The following OR10K1 variants were observed in gnomAD, a reference collection of about 807,000 sequenced individuals.
The protein encoded by OR10K1 is olfactory receptor family 10 subfamily K member 1, also known as olfactory receptor 10K1.
For missense variants in OR10K1, 404 were observed against 373.3 expected (o/e 1.08, Z -0.68); for synonymous variants, 186 against 152.5 (o/e 1.22, Z -1.62).
Position 158,466,299 on chromosome 1 carries a change from TGTG to T in OR10K1, c.741_743del (p.Val248del). Reference sequence around the variant, plus strand: ...TCTCCACCTGTGCCTCCCATCTCATTGTGGTAACTGTTCACTACAGTTGTGCCT... The same window carrying T: ...TCTCCACCTGTGCCTCCCATCTCATTGTAACTGTTCACTACAGTTGTGCCT... On this transcript the variant is annotated inframe_deletion, in exon 2 of 2. Transcript: ENST00000641535. 1 of 1,614,166 alleles carries T rather than the reference TGTG, an allele frequency of 6.2e-7. No homozygotes were observed. Among genetic ancestry groups the T allele is most frequent in the Non-Finnish European group, 8.5e-7 (1 of 1,180,012 alleles).
chr1:158,466,477 G>C lies in OR10K1; in HGVS notation c.916G>C (p.Gly306Arg). 6.2e-7 allele frequency: 1 copy of C among 1,613,644 alleles called. No homozygotes were observed. Among genetic ancestry groups the C allele is most frequent in the South Asian group, 1.1e-5 (1 of 91,038 alleles). ...EFKSALRRTI[G>R]QTFYPLS is the part of the protein sequence containing the mutation. ...CAAATCAGCCCTACGAAGAACAATC[G>C]GCCAAACTTTCTATCCTCTTAGTTA... Residue 306 changes from glycine (G) to arginine (R), a missense_variant, in exon 2 of 2, where the codon GGC becomes CGC. Transcript: ENST00000641535.
chr1:158,465,838 T>C lies in OR10K1; in HGVS notation c.277T>C (p.Ser93Pro). 1 of 1,614,236 alleles carries C rather than the reference T, an allele frequency of 6.2e-7. No homozygotes were observed. The highest frequency in any genetic ancestry group is 8.5e-7 in the Non-Finnish European group (1 of 1,180,038). ...CCTGCTGTCCCAGAAGAAGACCATT[T>C]CTTTCCTGGGCTGTGCCATCCAAAT... ...VDLLSQKKTI[S>P]FLGCAIQMFS... is the part of the protein sequence containing the mutation. The change falls in exon 2 of 2, where the codon TCT becomes CCT. Residue 93 changes from serine to proline, a missense_variant. Transcript: ENST00000641535.
In OR10K1 at chr1:158,466,551, G is replaced by A. The variant is rs201953196; in HGVS notation, c.*48G>A. 45 of 1,156,756 alleles carry A rather than the reference G, an allele frequency of 3.9e-5. No homozygotes were observed. The Admixed American group carries it at 4.0e-4, about 10-fold the overall frequency. 71.7% of individuals were successfully genotyped at this position (1,156,756 alleles called of 1,614,324 possible). A position where few individuals can be genotyped will look rare whatever the true frequency, so the allele number is the denominator to read the frequency against. On this transcript the variant is annotated 3_prime_UTR_variant, in exon 2 of 2. Coordinates refer to ENST00000641535, the MANE Select transcript of OR10K1 (RefSeq NM_001004473.2). The stretch of plus-strand genomic sequence containing the variant: ...ATGCCTAGTACATGCCAGGCAGAAC[G>A]TGTGTTTTATACATTTTTTTTCATT...
At chr1:158,463,176 A>G (rs531798916) in intron 1 of OR10K1, among the ~76,000 whole-genome samples, 33 of 152,178 alleles carry the variant, frequency 2.2e-4, no homozygotes, top group Non-Finnish European at 3.4e-4. Context: ...GTCACAGAAG[A>G]CTAGACCTGA....
intron 1 of OR10K1, among the ~76,000 whole-genome samples, chr1:158,462,557 G>A (rs542423395): frequency 1.3e-5 from 2 of 151,956 alleles, no homozygotes; most frequent in South Asian, 2.1e-4. Flanking sequence ...TATAATTTTA[G>A]GTATAATTGA....
At position 158,465,408 on chromosome 1, in the gene OR10K1, G is replaced by C. The variant is rs1347041629; in HGVS notation, c.-154G>C. 1 of 646,206 alleles carries C rather than the reference G, an allele frequency of 1.5e-6. No individual in the cohort carries two copies. Among genetic ancestry groups the C allele is most frequent in the Non-Finnish European group, 2.7e-6 (1 of 372,086 alleles). The allele number at this position is 646,206 out of a possible 1,614,324, so 40.0% of individuals were successfully genotyped here. A position where few individuals can be genotyped will look rare whatever the true frequency, so the allele number is the denominator to read the frequency against. On this transcript the variant is annotated splice_region_variant and 5_prime_UTR_variant, in exon 2 of 2. Transcript: ENST00000641535. Reference sequence around the variant, plus strand: ...ATTTTGCCTAATTCTTCTTTTAGCAGGCATTTTAATGGGGGAATGAAGAAT... The same window carrying C: ...ATTTTGCCTAATTCTTCTTTTAGCACGCATTTTAATGGGGGAATGAAGAAT...
At position 158,465,730 on chromosome 1, in the gene OR10K1, A is replaced by T. The variant is rs1227748100; in HGVS notation, c.169A>T (p.Thr57Ser). 1 of 1,613,622 alleles carries T rather than the reference A, an allele frequency of 6.2e-7. No homozygotes were observed. Among genetic ancestry groups the T allele is most frequent in the Non-Finnish European group, 8.5e-7 (1 of 1,179,904 alleles). Residue 57 changes from threonine to serine, a missense_variant, in exon 2 of 2, where the codon ACT becomes TCT. By Grantham distance (58) the Thr-to-Ser change is moderately conservative (BLOSUM62 1). Transcript: ENST00000641535. The stretch of plus-strand genomic sequence containing the variant: ...CATTGTGCTGGACAGAGCCCTTCAT[A>T]CTCCCATGTACTTCTTCCTTGCCAT... ...STIVLDRALHTPMYFFLAILS... is the reference protein window; with the variant it reads ...STIVLDRALHSPMYFFLAILS...
At position 158,466,271 on chromosome 1, in the gene OR10K1, C is replaced by A. The variant is rs1402826679; in HGVS notation, c.710C>A (p.Thr237Asn). The A allele has an allele frequency of 6.2e-7, 1 of 1,614,132 alleles. No individual in the cohort carries two copies. The highest frequency in any genetic ancestry group is 8.5e-7 in the Non-Finnish European group (1 of 1,179,988). The change falls in exon 2 of 2, where the codon ACC (threonine) becomes AAC (asparagine). Residue 237 changes from threonine to asparagine, a missense_variant. By Grantham distance (65) the Thr-to-Asn change is moderately conservative. Coordinates refer to ENST00000641535, the MANE Select transcript of OR10K1 (RefSeq NM_001004473.2). ...KIPSSVGRYK[T>N]FSTCASHLIV... ...CCTTCCTCCGTTGGAAGATACAAGACCTTCTCCACCTGTGCCTCCCATCTC... is the reference window on the plus strand; with the variant it reads ...CCTTCCTCCGTTGGAAGATACAAGAACTTCTCCACCTGTGCCTCCCATCTC...
chr1:158,466,511 T>C lies in OR10K1; in HGVS notation c.*8T>C. On this transcript the variant is annotated 3_prime_UTR_variant, in exon 2 of 2. Coordinates refer to ENST00000641535, the MANE Select transcript of OR10K1 (RefSeq NM_001004473.2). ...TTCTATCCTCTTAGTTAAAGAGCTA[T>C]TTTTTAAACTACTAATGCCTAGTAC... 2 of 1,555,734 alleles carry C rather than the reference T, an allele frequency of 1.3e-6. No homozygotes were observed. The highest frequency in any genetic ancestry group is 1.8e-6 in the Non-Finnish European group (2 of 1,127,910).
At chr1:158,462,388 T>A (rs945925707) in intron 1 of OR10K1, among the ~76,000 whole-genome samples, 4 of 152,098 alleles carry the variant, frequency 2.6e-5, no homozygotes, top group African/African-American at 9.7e-5. Flanking sequence ...CTTCCTTTCT[T>A]CCTTACTTCC....
intron 1 of OR10K1, 84 bp from the exon 2 acceptor site, chr1:158,465,322 G>A (rs1185876699): frequency 1.8e-6 from 1 of 557,092 alleles, no homozygotes; most frequent in Non-Finnish European, 3.2e-6. Flanking sequence ...TGGTCAGAGA[G>A]ATAACCTGTT....
rs1239480767 is a variant in OR10K1 at position 158,465,786 on chromosome 1, T to C, written c.225T>C (p.Phe75=). Residue 75 remains phenylalanine, a synonymous_variant, in exon 2 of 2, where the codon TTT becomes TTC. Coordinates refer to ENST00000641535, the MANE Select transcript of OR10K1 (RefSeq NM_001004473.2). ...ILSCSEICYT[F]VIVPKMLVDL... ...CTTGCTCTGAGATTTGCTATACCTTTGTCATTGTACCCAAGATGCTGGTTG... is the reference window on the plus strand; with the variant it reads ...CTTGCTCTGAGATTTGCTATACCTTCGTCATTGTACCCAAGATGCTGGTTG... 18 of 1,614,100 alleles carry C rather than the reference T, an allele frequency of 1.1e-5. No individual in the cohort carries two copies. Among genetic ancestry groups the C allele is most frequent in the South Asian group, 2.2e-5 (2 of 91,090 alleles).
Position 158,466,043 on chromosome 1 carries a change from C to T in OR10K1, c.482C>T (p.Ser161Phe), listed in dbSNP as rs1359016428. 1 of 1,614,134 alleles carries T rather than the reference C, an allele frequency of 6.2e-7. No individual in the cohort carries two copies. The highest frequency in any genetic ancestry group is 8.5e-7 in the Non-Finnish European group (1 of 1,180,004). ...CGFTVSLVTT[S>F]LVFHLPFHSS... ...TTCACTGTCTCCCTGGTCACCACCT[C>T]CCTAGTATTTCATCTGCCCTTCCAC... is the stretch of plus-strand genomic sequence containing the variant. Residue 161 changes from serine to phenylalanine, a missense_variant, in exon 2 of 2, where the codon TCC (serine) becomes TTC (phenylalanine). By Grantham distance (155) the Ser-to-Phe change is radical. Coordinates refer to ENST00000641535, the MANE Select transcript of OR10K1 (RefSeq NM_001004473.2).
rs574431675 is a variant in OR10K1, at chr1:158,465,147, T to G, written c.-156-259T>G. 8.1e-4 allele frequency among the ~76,000 whole-genome samples: 123 copies of G among 152,354 alleles called. 1 individual carries two copies. Among genetic ancestry groups the G allele is most frequent in the African/African-American group, 2.9e-3 (119 of 41,576 alleles). On this transcript the variant is annotated intron_variant, in intron 1 of 1. Coordinates refer to ENST00000641535, the MANE Select transcript of OR10K1 (RefSeq NM_001004473.2). ...AAACTGAAGTCCACATGATTATGTC[T>G]GAATATTATTCATTCTTTCGTTCTA...
At position 158,466,318 on chromosome 1, in the gene OR10K1, A is replaced by T; in HGVS notation, c.757A>T (p.Ser253Cys). ...TCTCATTGTGGTAACTGTTCACTAC[A>T]GTTGTGCCTCTTTCATCTACTTAAG... Reference protein sequence around the residue: ...SHLIVVTVHYSCASFIYLRPK... With the variant: ...SHLIVVTVHYCCASFIYLRPK... The change falls in exon 2 of 2, where the codon AGT becomes TGT. Residue 253 changes from serine (S) to cysteine (C), a missense_variant. By Grantham distance (112) the Ser-to-Cys change is moderately radical. Transcript: ENST00000641535. 2 of 1,614,116 alleles carry T rather than the reference A, an allele frequency of 1.2e-6. No homozygotes were observed. Among genetic ancestry groups the T allele is most frequent in the Non-Finnish European group, 1.7e-6 (2 of 1,180,004 alleles).
At chr1:158,464,190 A>G (rs1246031177) in intron 1 of OR10K1, among the ~76,000 whole-genome samples, 2 of 152,244 alleles carry the variant, frequency 1.3e-5, no homozygotes, top group Non-Finnish European at 2.9e-5. Flanking sequence ...CCAGCAAGAC[A>G]TACTGGATGA....
chr1:158,462,279 G>GA (rs34788864), intron 1 of OR10K1, among the ~76,000 whole-genome samples: 2,351 of 140,786 alleles, frequency 0.017, 53 homozygotes, highest in African/African-American at 0.053. Context: ...GACTCCTTCT[G>GA]AAAAAAAAAA....
chr1:158,465,793 G>A lies in OR10K1; in HGVS notation c.232G>A (p.Val78Ile), dbSNP rs146479902. ...TGAGATTTGCTATACCTTTGTCATT[G>A]TACCCAAGATGCTGGTTGACCTGCT... ...CSEICYTFVI[V>I]PKMLVDLLSQ... The change falls in exon 2 of 2, where the codon GTA becomes ATA. Residue 78 changes from valine to isoleucine, a missense_variant. Physicochemically the swap from Val to Ile is conservative, Grantham distance 29. Coordinates refer to ENST00000641535, the MANE Select transcript of OR10K1 (RefSeq NM_001004473.2). The A allele has an allele frequency of 3.0e-5, 48 of 1,613,970 alleles. No homozygotes were observed. The highest frequency in any genetic ancestry group is 3.9e-5 in the Non-Finnish European group (46 of 1,180,032).
At chr1:158,464,418 A>G (rs1655990503) in intron 1 of OR10K1, among the ~76,000 whole-genome samples, 1 of 152,170 alleles carries the variant, frequency 6.6e-6, no homozygotes, top group South Asian at 2.1e-4. Context: ...GAAACTGGCA[A>G]AATTCCCAAG....
Sources: allele counts gnomAD v4.1 joint callset (sites outside exome capture counted in the v4.1 genomes callset), GRCh38; gene constraint gnomAD v4.1.1; transcripts MANE v1.5; gene names NCBI Gene and HGNC (gene_info 2026-07-23, HGNC 2026-07-21).